Variants in DIS3L observed in about 807,000 individuals in gnomAD.
DIS3L encodes DIS3-like exonuclease 1.
Under a neutral mutation model 120.3 loss-of-function variants are expected in DIS3L, and 100 were observed. The ratio of observed to expected loss-of-function variants is 0.83; its 90% CI spans 0.71 to 0.98. DIS3L has a LOEUF of 0.98. Ranked by LOEUF, DIS3L falls within the 50% of genes least tolerant of loss-of-function variation. The pLI is 0.00. For synonymous variants in DIS3L, 426 were observed against 470.6 expected (o/e 0.91, Z 1.23); for missense variants, 1,196 against 1,314.2 (o/e 0.91, Z 1.39).
rs923806263 is a variant in DIS3L at position 66,328,015 on chromosome 15, ACACTC to A, written c.2202-952_2202-948del. On this transcript the variant is annotated intron_variant, in intron 12 of 16. Transcript: ENST00000319212. ...TGCAGTGAGCCAAGATTGTGCCACT[ACACTC>A]CAGCCTCTGTATGGTCACTGTATGA... Among the ~76,000 whole-genome samples the A allele has an allele frequency of 2.6e-4, 39 of 152,172 alleles. 1 individual carries two copies. Among genetic ancestry groups the A allele is most frequent in the Admixed American group, 3.3e-4 (5 of 15,270 alleles).
At chr15:66,307,803 G>C (rs2092716571) in intron 3 of DIS3L, among the ~76,000 whole-genome samples, 1 of 152,188 alleles carries the variant, frequency 6.6e-6, no homozygotes, top group South Asian at 2.1e-4. Flanking sequence ...TGGAGATGGA[G>C]GGAAGGTGGT....
In DIS3L at chr15:66,332,004, C is replaced by T; in HGVS notation, c.2665C>T (p.Leu889Phe). Residue 889 changes from leucine to phenylalanine, a missense_variant, in exon 15 of 17, where the codon CTT (leucine) becomes TTT (phenylalanine). Coordinates refer to ENST00000319212, the MANE Select transcript of DIS3L (RefSeq NM_001143688.3). ...TTATTCAATTAGAACAAATGGTGTG[C>T]TTCTATTTATACCAAGGTATGTTAC... ...VIYSIRTNGVLLFIPRFGIKG... is the reference protein window; with the variant it reads ...VIYSIRTNGVFLFIPRFGIKG... The T allele has an allele frequency of 6.2e-7, 1 of 1,609,692 alleles. No homozygotes were observed. The highest frequency in any genetic ancestry group is 8.5e-7 in the Non-Finnish European group (1 of 1,179,008).
At chr15:66,328,877 G>A (rs1297132187) in intron 12 of DIS3L, 93 bp from the exon 13 acceptor site, 4 of 1,441,774 alleles carry the variant, frequency 2.8e-6, no homozygotes, top group East Asian at 2.3e-5. Flanking sequence ...GCAGATGAAG[G>A]TATTCAGACG....
chr15:66,306,699 T>C (rs751569293), intron 2 of DIS3L, 125 bp from the exon 3 acceptor site: 54 of 1,333,910 alleles, frequency 4.0e-5, no homozygotes, highest in Non-Finnish European at 5.0e-5. Flanking sequence ...TAAATACATG[T>C]TCTTCAGGTT....
rs1271801499 is a variant in DIS3L, at chr15:66,329,051, G to C, written c.2283G>C (p.Met761Ile). ...TTGTGAACAGGCTACTGCGCTCCAT[G>C]GCCACGCAGGCCATGTCGAATGCTC... ...DPIVNRLLRS[M>I]ATQAMSNALY... Residue 761 changes from methionine to isoleucine, a missense_variant, in exon 13 of 17, where the codon ATG becomes ATC. Physicochemically the swap from Met to Ile is conservative, Grantham distance 10. Transcript: ENST00000319212. 6.2e-7 allele frequency: 1 copy of C among 1,614,116 alleles called. No homozygotes were observed. The highest frequency in any genetic ancestry group is 8.5e-7 in the Non-Finnish European group (1 of 1,180,042).
At chr15:66,313,902 T>TAG in intron 5 of DIS3L, 137 bp from the exon 6 acceptor site, 1 of 563,340 alleles carries the variant, frequency 1.8e-6, no homozygotes, top group Non-Finnish European at 3.1e-6. Context: ...TATATATATA[T>TAG]AGTTCCTAAA....
Position 66,331,961 on chromosome 15 carries a change from C to A in DIS3L, c.2622C>A (p.Cys874Ter). ...KDKDPATEER[C>*]ISDGVIYSIR... is the part of the protein sequence containing the mutation. ...AAGACCCTGCCACCGAGGAGCGTTG[C>A]ATATCTGACGGAGTTATTTATTCAA... The change falls in exon 15 of 17, where the codon TGC (cysteine) becomes TGA (stop). Residue 874 changes from cysteine to a stop codon, truncating the protein, a stop_gained. Transcript: ENST00000319212. LOFTEE classifies it high-confidence loss of function. The A allele has an allele frequency of 6.2e-7, 1 of 1,613,302 alleles. No individual in the cohort carries two copies. Among genetic ancestry groups the A allele is most frequent in the Non-Finnish European group, 8.5e-7 (1 of 1,179,688 alleles).
rs2092934656 is a variant in DIS3L at position 66,326,155 on chromosome 15, G to A, written c.1992G>A (p.Lys664=). The change falls in exon 12 of 17, where the codon AAG becomes AAA. Residue 664 remains lysine, a synonymous_variant. Coordinates refer to ENST00000319212, the MANE Select transcript of DIS3L (RefSeq NM_001143688.3). ...TTTGCGTACAGCTAGATGACAAAAAGAACATTCACGACCTCATCCCCAAGC... is the reference window on the plus strand; with the variant it reads ...TTTGCGTACAGCTAGATGACAAAAAAAACATTCACGACCTCATCCCCAAGC... ...VEVCVQLDDK[K]NIHDLIPKQP... is the part of the protein sequence containing the mutation. 6.2e-7 allele frequency: 1 copy of A among 1,614,174 alleles called. No individual in the cohort carries two copies. Among genetic ancestry groups the A allele is most frequent in the African/African-American group, 1.3e-5 (1 of 75,046 alleles).
chr15:66,298,291 C>T lies in DIS3L; in HGVS notation c.293+3150C>T, dbSNP rs549357682. On this transcript the variant is annotated intron_variant, in intron 2 of 16. Coordinates refer to ENST00000319212, the MANE Select transcript of DIS3L (RefSeq NM_001143688.3). ...CCATCCAGTACCTCAGTGTTCTCAA[C>T]ATGAGTGATATATCCATCTTGTTTC... Among the ~76,000 whole-genome samples the T allele has an allele frequency of 1.0e-4, 15 of 149,038 alleles. No homozygotes were observed. The South Asian group carries it at 3.3e-3, about 33-fold the overall frequency.
At position 66,332,512 on chromosome 15, in the gene DIS3L, G is replaced by A. The variant is rs76519242; in HGVS notation, c.2682-224G>A. ...TGTGTGTGTGTGTGTGTGTGTGTGT[G>A]TGTATATATATACACACACACTTCT... On this transcript the variant is annotated intron_variant, in intron 15 of 16. Coordinates refer to ENST00000319212, the MANE Select transcript of DIS3L (RefSeq NM_001143688.3). Among the ~76,000 whole-genome samples the A allele has an allele frequency of 4.4e-5, 3 of 68,858 alleles. No homozygotes were observed. The South Asian group carries it at 1.6e-3, about 36-fold the overall frequency. The allele number at this position is 68,858 out of a possible 152,430, so 45.2% of individuals were successfully genotyped here. A position where few individuals can be genotyped will look rare whatever the true frequency, so the allele number is the denominator to read the frequency against.
rs79939593 is a variant in DIS3L at position 66,294,969 on chromosome 15, A to G, written c.140-19A>G. The G allele has an allele frequency of 3.1e-4, 487 of 1,591,314 alleles. 3 individuals are homozygous for G. In the African/African-American group the frequency reaches 6.0e-3, roughly 19 times the overall value. On this transcript the variant is annotated intron_variant, in intron 1 of 16. Coordinates refer to ENST00000319212, the MANE Select transcript of DIS3L (RefSeq NM_001143688.3). ...TTGAAAACATTGTCTAATCTCTTAC[A>G]TTTTGAATTATGTTTCAGATGGGAA...
At chr15:66,303,232 G>A (rs1350675584) in intron 2 of DIS3L, among the ~76,000 whole-genome samples, 1 of 152,196 alleles carries the variant, frequency 6.6e-6, no homozygotes, top group Non-Finnish European at 1.5e-5. Flanking sequence ...TTTTGCCTGT[G>A]TACTGTGAGT....
chr15:66,333,369 C>A lies in DIS3L; in HGVS notation c.*57C>A. The A allele has an allele frequency of 2.0e-6, 3 of 1,507,758 alleles. No homozygotes were observed. The highest frequency in any genetic ancestry group is 2.8e-5 in the African/African-American group (2 of 71,530). The allele number at this position is 1,507,758 out of a possible 1,614,324, so 93.4% of individuals were successfully genotyped here. ...GTGAATGTTTTACAGTCTTTTCAAA[C>A]TTAACATTTAATGTGTGTCACTCAG... On this transcript the variant is annotated 3_prime_UTR_variant, in exon 17 of 17. Coordinates refer to ENST00000319212, the MANE Select transcript of DIS3L (RefSeq NM_001143688.3).
rs76996365 is a variant in DIS3L, at chr15:66,327,346, A to C, written c.2201+982A>C. 1.3e-3 allele frequency among the ~76,000 whole-genome samples: 197 copies of C among 152,342 alleles called. 1 individual carries two copies. The highest frequency in any genetic ancestry group is 4.7e-3 in the African/African-American group (194 of 41,572). On this transcript the variant is annotated intron_variant, in intron 12 of 16. Transcript: ENST00000319212. Reference sequence around the variant, plus strand: ...ATTTATTTCAGTACTTTTAAAATGCAGCATCTTTGTGACAATATCATAAGA... The same window carrying C: ...ATTTATTTCAGTACTTTTAAAATGCCGCATCTTTGTGACAATATCATAAGA...
intron 14 of DIS3L, chr15:66,330,629 T>A: frequency 1.4e-6 from 1 of 738,036 alleles, no homozygotes; most frequent in Non-Finnish European, 1.7e-6. Flanking sequence ...AGTGTCTCAG[T>A]CACACTGGCC....
At chr15:66,315,824 G>A (rs982506696) in intron 7 of DIS3L, among the ~76,000 whole-genome samples, 14 of 152,110 alleles carry the variant, frequency 9.2e-5, no homozygotes, top group African/African-American at 3.4e-4. Context: ...CTCTAAAATT[G>A]TTCTTGCCAA....
intron 7 of DIS3L, among the ~76,000 whole-genome samples, chr15:66,317,706 A>G (rs1197679872): frequency 5.3e-5 from 8 of 152,106 alleles, no homozygotes; most frequent in Non-Finnish European, 1.2e-4. Context: ...GCTGGGTATG[A>G]TGGCACGTGC....
chr15:66,306,850 T>C lies in DIS3L; in HGVS notation c.320T>C (p.Leu107Pro). 6.2e-7 allele frequency: 1 copy of C among 1,614,214 alleles called. No individual in the cohort carries two copies. Among genetic ancestry groups the C allele is most frequent in the Non-Finnish European group, 8.5e-7 (1 of 1,180,032 alleles). The change falls in exon 3 of 17, where the codon CTG becomes CCG. Residue 107 changes from leucine to proline, a missense_variant. By Grantham distance (98) the Leu-to-Pro change is moderately conservative. Coordinates refer to ENST00000319212, the MANE Select transcript of DIS3L (RefSeq NM_001143688.3). ...CAGTATAACAAACTGCGAAACCTGC[T>C]GAAGGATGCGCGTCATGATTGCATT... Reference protein sequence around the residue: ...RRQYNKLRNLLKDARHDCILF... With the variant: ...RRQYNKLRNLPKDARHDCILF...
At chr15:66,295,781 T>C (rs2092580148) in intron 2 of DIS3L, among the ~76,000 whole-genome samples, 1 of 152,234 alleles carries the variant, frequency 6.6e-6, no homozygotes, top group Non-Finnish European at 1.5e-5. Context: ...TCCTTTAATG[T>C]TGGGAAAGGT....
Sources: gnomAD v4.1 joint callset for allele counts (sites outside exome capture counted in the v4.1 genomes callset) on GRCh38, gnomAD v4.1.1 for gene constraint, MANE v1.5 for transcripts, NCBI Gene and HGNC (gene_info 2026-07-23, HGNC 2026-07-21) for gene names.